NAV2: variants seen among roughly 807,000 people sequenced by gnomAD.
The protein encoded by NAV2 is neuron navigator 2.
Under a neutral mutation model 223.2 loss-of-function variants are expected in NAV2, and 54 were observed. That is an observed-to-expected ratio of 0.24 (90% CI 0.19 to 0.30). The LOEUF (loss-of-function observed/expected upper bound fraction) is 0.30, where lower values mean the gene tolerates loss of function less well. Ranked by LOEUF, NAV2 falls within the 10% of genes least tolerant of loss-of-function variation. The pLI is 1.00. For missense variants in NAV2, 2,806 were observed against 3,147.5 expected, an observed-to-expected ratio of 0.89 and a Z score of 2.60; for synonymous variants, 1,279 against 1,239.3, an observed-to-expected ratio of 1.03 and a Z score of -0.67.
At chr11:19,906,125 A>T (rs1215638427) in intron 6 of NAV2, among the ~76,000 whole-genome samples, 1 of 152,186 alleles carries the variant, frequency 6.6e-6, no homozygotes, top group Non-Finnish European at 1.5e-5. Flanking sequence ...CATTGACTGC[A>T]TGCTGGCTGG....
chr11:19,756,923 G>A (rs2054279604), intron 1 of NAV2, among the ~76,000 whole-genome samples: 2 of 152,106 alleles, frequency 1.3e-5, no homozygotes, highest in African/African-American at 2.4e-5. Context: ...CCAAGGCCTG[G>A]TCAGGCCACC....
chr11:19,395,926 C>G (rs1180905779), intron 1 of NAV2, among the ~76,000 whole-genome samples: 2 of 152,260 alleles, frequency 1.3e-5, no homozygotes, highest in African/African-American at 2.4e-5. Flanking sequence ...AACTGAGTCT[C>G]TGTCCCAGCC....
At chr11:19,405,562 C>T (rs1849861122) in intron 1 of NAV2, among the ~76,000 whole-genome samples, 1 of 152,194 alleles carries the variant, frequency 6.6e-6, no homozygotes, top group Admixed American at 6.5e-5. Context: ...TGTTAGAAAA[C>T]CATCCGTCTC....
chr11:19,368,722 C>T (rs900606548), intron 1 of NAV2, among the ~76,000 whole-genome samples: 5 of 152,180 alleles, frequency 3.3e-5, no homozygotes. Flanking sequence ...GTCAAAGTCA[C>T]ACAGCAAATA....
intron 5 of NAV2, among the ~76,000 whole-genome samples, chr11:19,883,618 CT>C: frequency 6.6e-6 from 1 of 152,280 alleles, no homozygotes; most frequent in South Asian, 2.1e-4. Flanking sequence ...ACCTCAGATC[CT>C]TTCATGAACA....
At chr11:20,008,637 A>G (rs527800908) in intron 11 of NAV2, among the ~76,000 whole-genome samples, 20 of 152,306 alleles carry the variant, frequency 1.3e-4, no homozygotes, top group African/African-American at 2.9e-4. Context: ...AAAGGACTTA[A>G]CCAGTATAAG....
intron 12 of NAV2, among the ~76,000 whole-genome samples, chr11:20,042,253 T>C (rs2056992418): frequency 6.6e-6 from 1 of 152,250 alleles, no homozygotes; most frequent in Non-Finnish European, 1.5e-5. Flanking sequence ...TTACCCTTTC[T>C]GATTAAATAG....
At chr11:19,501,111 T>A (rs966412859) in intron 1 of NAV2, among the ~76,000 whole-genome samples, 2 of 152,114 alleles carry the variant, frequency 1.3e-5, no homozygotes, top group African/African-American at 2.4e-5. Flanking sequence ...CAACCTTGCC[T>A]CTCTCTGAAC....
intron 1 of NAV2, among the ~76,000 whole-genome samples, chr11:19,443,673 G>A (rs1045699719): frequency 2.0e-5 from 3 of 152,168 alleles, no homozygotes; most frequent in African/African-American, 7.2e-5. Context: ...CACTGCTCAA[G>A]CTCTGCTTTC....
At chr11:19,537,938 A>G (rs2044234396) in intron 1 of NAV2, among the ~76,000 whole-genome samples, 1 of 152,186 alleles carries the variant, frequency 6.6e-6, no homozygotes, top group Non-Finnish European at 1.5e-5. Context: ...TAGGTGATGC[A>G]TTTTGCAGGG....
chr11:19,643,582 G>T (rs2047728178), intron 1 of NAV2, among the ~76,000 whole-genome samples: 1 of 152,130 alleles, frequency 6.6e-6, no homozygotes, highest in Non-Finnish European at 1.5e-5. Flanking sequence ...CATTAGGGTT[G>T]GTTCCAAGTC....
chr11:19,604,321 G>C (rs1375850412), intron 1 of NAV2, among the ~76,000 whole-genome samples: 1 of 152,140 alleles, frequency 6.6e-6, no homozygotes, highest in Non-Finnish European at 1.5e-5. Context: ...TCGGTGGTGT[G>C]TTTAAACGTG....
chr11:19,762,030 G>T (rs111472679), intron 1 of NAV2, among the ~76,000 whole-genome samples: 1,611 of 152,296 alleles, frequency 0.011, 14 homozygotes, highest in Non-Finnish European at 0.017. Context: ...ATCACCTGAG[G>T]TCAGGAGTTC....
In NAV2 at chr11:20,054,216, A is replaced by G. The variant is rs768076399; in HGVS notation, c.4618A>G (p.Thr1540Ala). The G allele has an allele frequency of 3.7e-6, 6 of 1,611,092 alleles. No individual in the cohort carries two copies. The highest frequency in any genetic ancestry group is 1.7e-5 in the Admixed American group (1 of 58,902). Reference sequence around the variant, plus strand: ...CTCCAGCGTGACTTCTCCCTCCGGAACAAGATTCAACTTTTCCCAGCTTGG... The same window carrying G: ...CTCCAGCGTGACTTCTCCCTCCGGAGCAAGATTCAACTTTTCCCAGCTTGG... ...SGSSVTSPSG[T>A]RFNFSQLASP... is the part of the protein sequence containing the mutation. The change falls in exon 18 of 38, where the codon ACA becomes GCA. Residue 1540 changes from threonine to alanine, a missense_variant. Around this residue, in one of 4 missense-constraint regions of NAV2, gnomAD observed 742 missense variants for 777.9 expected, o/e 0.95. Transcript: ENST00000349880.
At chr11:19,847,280 C>G (rs2060862646) in intron 3 of NAV2, among the ~76,000 whole-genome samples, 3 of 152,228 alleles carry the variant, frequency 2.0e-5, no homozygotes, top group East Asian at 1.9e-4. Flanking sequence ...CTTTTTTCAT[C>G]ATTATTATTT....
chr11:19,560,073 GT>G (rs1276905758), intron 1 of NAV2, among the ~76,000 whole-genome samples: 44 of 152,282 alleles, frequency 2.9e-4, no homozygotes, highest in African/African-American at 8.9e-4. Context: ...GCATTTGGTG[GT>G]TTTCCAAGTT....
intron 1 of NAV2, among the ~76,000 whole-genome samples, chr11:19,666,486 C>T (rs1304596638): frequency 6.6e-6 from 1 of 152,184 alleles, no homozygotes; most frequent in Non-Finnish European, 1.5e-5. Context: ...TGAGGGAGAT[C>T]TGCGGTGGTG....
At chr11:19,567,835 T>TTAAA (rs1491472364) in intron 1 of NAV2, among the ~76,000 whole-genome samples, 2 of 152,154 alleles carry the variant, frequency 1.3e-5, no homozygotes, top group Non-Finnish European at 2.9e-5. Flanking sequence ...CATGCTCAGG[T>TTAAA]TAAAGTTCCT....
Position 19,934,078 on chromosome 11 carries a change from T to C in NAV2, c.1834T>C (p.Ser612Pro). The part of the protein sequence containing the change: ...KPQLDGRHSS[S>P]SSSLASSEGK... ...CCAGCTGGACGGCAGACACTCCAGT[T>C]CCTCTTCCAGCCTGGCGTCCTCAGA... The change falls in exon 7 of 38, where the codon TCC becomes CCC. Residue 612 changes from serine to proline, a missense_variant. Coordinates refer to ENST00000349880, the MANE Select transcript of NAV2 (RefSeq NM_145117.5). The C allele has an allele frequency of 6.2e-7, 1 of 1,611,512 alleles. No homozygotes were observed. The highest frequency in any genetic ancestry group is 1.1e-5 in the South Asian group (1 of 90,710).
Sources: gnomAD v4.1 joint callset for allele counts (sites outside exome capture counted in the v4.1 genomes callset) on GRCh38, gnomAD v4.1.1 for gene constraint, gnomAD v4.1.1 regional missense constraint, MANE v1.5 for transcripts, NCBI Gene and HGNC (gene_info 2026-07-23, HGNC 2026-07-21) for gene names.